NSG2: variants seen among roughly 807,000 people sequenced by gnomAD.
NSG2 encodes neuronal vesicle trafficking associated 2, also known as neuronal vesicle trafficking-associated protein 2.
Under a neutral mutation model 16.9 loss-of-function variants are expected in NSG2, and 4 were observed. The ratio of observed to expected loss-of-function variants is 0.24; its 90% CI spans 0.12 to 0.54. NSG2 has a LOEUF of 0.54. Ranked by LOEUF, NSG2 falls within the 20% of genes least tolerant of loss-of-function variation. The probability of loss-of-function intolerance (pLI) is 0.95; values close to 1 mark genes in which losing one functional copy is unlikely to be tolerated. For missense variants in NSG2, 179 were observed against 221.1 expected (o/e 0.81, Z 1.21); for synonymous variants, 98 against 88.7 (o/e 1.11, Z -0.59).
At chr5:174,081,907 AAG>A (rs1298025775) in intron 3 of NSG2, among the ~76,000 whole-genome samples, 4 of 148,734 alleles carry the variant, frequency 2.7e-5, no homozygotes, top group Non-Finnish European at 4.5e-5. Flanking sequence ...AAAAAAAAAA[AAG>A]AGAGAGAATG....
intron 3 of NSG2, chr5:174,086,406 A>C (rs919609917): frequency 7.2e-5 from 11 of 152,360 alleles, no homozygotes; most frequent in Non-Finnish European, 1.3e-4. Context: ...ACCTTTCTTG[A>C]AAAATCAGAT....
At chr5:174,091,646 TGTGTG>T (rs1419893501) in intron 3 of NSG2, among the ~76,000 whole-genome samples, 4 of 9,032 alleles carry the variant, frequency 4.4e-4, no homozygotes, top group South Asian at 4.1e-3. Context: ...CTAGGACTGG[TGTGTG>T]TGTGTGTGTG....
At chr5:174,096,738 A>G (rs554687185) in intron 3 of NSG2, among the ~76,000 whole-genome samples, 1 of 152,038 alleles carries the variant, frequency 6.6e-6, no homozygotes, top group Non-Finnish European at 1.5e-5. Flanking sequence ...GGGGAGATAA[A>G]TAAGCTGTGT....
At chr5:174,073,448 G>A (rs1303182804) in intron 3 of NSG2, among the ~76,000 whole-genome samples, 2 of 152,242 alleles carry the variant, frequency 1.3e-5, no homozygotes, top group Non-Finnish European at 2.9e-5. Context: ...GGCATGGAAA[G>A]AATTTGCACA....
intron 3 of NSG2, among the ~76,000 whole-genome samples, chr5:174,097,430 G>A (rs147698533): frequency 3.3e-5 from 5 of 151,344 alleles, no homozygotes; most frequent in African/African-American, 9.7e-5. Context: ...CCAGGTTGCC[G>A]TCTGTCTGCT....
At chr5:174,087,934 G>A (rs1202772899) in intron 3 of NSG2, among the ~76,000 whole-genome samples, 1 of 152,016 alleles carries the variant, frequency 6.6e-6, no homozygotes, top group East Asian at 1.9e-4. Context: ...CCTTCTCTAG[G>A]GATTGACCCT....
chr5:174,104,827 C>T (rs1760952257), intron 4 of NSG2, among the ~76,000 whole-genome samples: 1 of 152,198 alleles, frequency 6.6e-6, no homozygotes, highest in Non-Finnish European at 1.5e-5. Flanking sequence ...TGCATGACCT[C>T]TGGGAGTTTT....
rs931593527 is a variant in NSG2 at position 174,080,521 on chromosome 5, T to C, written c.213+16206T>C. 5.3e-4 allele frequency among the ~76,000 whole-genome samples: 46 copies of C among 86,904 alleles called. No homozygotes were observed. The South Asian group carries it at 6.8e-3, about 13-fold the overall frequency. 57.0% of individuals were successfully genotyped at this position (86,904 alleles called of 152,430 possible). A position where few individuals can be genotyped will look rare whatever the true frequency, so the allele number is the denominator to read the frequency against. On this transcript the variant is annotated intron_variant, in intron 3 of 4. Coordinates refer to ENST00000303177, the MANE Select transcript of NSG2 (RefSeq NM_015980.5). ...CCTCTTTCTTTCTTTCCCTCTTTCT[T>C]TCTTTCTCTCTCTCTCTCTCTCTCT...
intron 4 of NSG2, among the ~76,000 whole-genome samples, chr5:174,106,429 AC>A (rs1403100201): frequency 6.6e-6 from 1 of 152,080 alleles, no homozygotes. Context: ...TATTCTAGGG[AC>A]ACATGGAGTT....
At chr5:174,065,038 G>A (rs1403167204) in intron 3 of NSG2, among the ~76,000 whole-genome samples, 1 of 152,168 alleles carries the variant, frequency 6.6e-6, no homozygotes, top group Non-Finnish European at 1.5e-5. Context: ...TAGAAATAAG[G>A]ACAGTGAGGG....
chr5:174,055,781 C>T (rs1009496653), intron 2 of NSG2, among the ~76,000 whole-genome samples: 3 of 152,158 alleles, frequency 2.0e-5, no homozygotes, highest in African/African-American at 7.2e-5. Context: ...ATACTAGAGA[C>T]CTGCTTCCGA....
chr5:174,059,827 A>G (rs1760022322), intron 2 of NSG2, among the ~76,000 whole-genome samples: 1 of 152,200 alleles, frequency 6.6e-6, no homozygotes, highest in Non-Finnish European at 1.5e-5. Context: ...TCAGCATACC[A>G]TCCAGAGGAA....
At chr5:174,065,636 A>C (rs1489680993) in intron 3 of NSG2, among the ~76,000 whole-genome samples, 1 of 152,172 alleles carries the variant, frequency 6.6e-6, no homozygotes, top group Non-Finnish European at 1.5e-5. Flanking sequence ...AAAAACACAC[A>C]AAAAACGGTG....
chr5:174,046,636 T>C (rs1759804132), intron 1 of NSG2, 98 bp from the exon 2 acceptor site: 1 of 1,017,868 alleles, frequency 9.8e-7, no homozygotes, highest in East Asian at 2.5e-5. Context: ...GAAAGCCACT[T>C]GAGTGGAGCT....
rs1437501535 is a variant in NSG2 at position 174,107,869 on chromosome 5, C to T, written c.*364C>T. On this transcript the variant is annotated 3_prime_UTR_variant, in exon 5 of 5. Coordinates refer to ENST00000303177, the MANE Select transcript of NSG2 (RefSeq NM_015980.5). This position sits in a 1 kb window ranked among gnomAD's most constrained non-coding sequence, Gnocchi z 4.5. ...ATGAACAAAAAGCATTAAACTGGCT[C>T]CATCAGAAGACGTTGAAGGGCAGTG... 1.5e-5 allele frequency: 6 copies of T among 410,968 alleles called. No homozygotes were observed. In the Admixed American group the frequency reaches 1.7e-4, roughly 12 times the overall value. 25.5% of individuals were successfully genotyped at this position (410,968 alleles called of 1,614,324 possible).
chr5:174,046,712 A>G, intron 1 of NSG2, 22 bp from the exon 2 acceptor site: 2 of 1,612,498 alleles, frequency 1.2e-6, no homozygotes, highest in Non-Finnish European at 1.7e-6. Context: ...TGCTGTAACC[A>G]GAATCCCACT....
chr5:174,103,884 G>C (rs960983175), intron 3 of NSG2, among the ~76,000 whole-genome samples: 1 of 152,204 alleles, frequency 6.6e-6, no homozygotes, highest in Non-Finnish European at 1.5e-5. Flanking sequence ...AGAAGCACTT[G>C]AACCTGGGAG....
At chr5:174,073,980 C>T (rs1311297505) in intron 3 of NSG2, among the ~76,000 whole-genome samples, 1 of 152,122 alleles carries the variant, frequency 6.6e-6, no homozygotes, top group African/African-American at 2.4e-5. Context: ...GCTGATTCTT[C>T]CAAGTTTGCA....
chr5:174,107,471 A>C lies in NSG2; in HGVS notation c.482A>C (p.His161Pro), dbSNP rs769015553. The C allele has an allele frequency of 6.2e-7, 1 of 1,612,176 alleles. No individual in the cohort carries two copies. The highest frequency in any genetic ancestry group is 1.1e-5 in the South Asian group (1 of 90,922). ...GPWLSAAAVI[H>P]EPKPPKTQGH ...TGGCTGTCAGCAGCCGCTGTCATCCATGAGCCCAAGCCGCCCAAGACCCAG... is the reference window on the plus strand; with the variant it reads ...TGGCTGTCAGCAGCCGCTGTCATCCCTGAGCCCAAGCCGCCCAAGACCCAG... Residue 161 changes from histidine to proline, a missense_variant, in exon 5 of 5, where the codon CAT (histidine) becomes CCT (proline). Coordinates refer to ENST00000303177, the MANE Select transcript of NSG2 (RefSeq NM_015980.5). The surrounding 1 kb of genome is among the most constrained non-coding windows in gnomAD (Gnocchi z 4.5).
Sources: allele counts gnomAD v4.1 joint callset (sites outside exome capture counted in the v4.1 genomes callset), GRCh38; gene constraint gnomAD v4.1.1; non-coding constraint Gnocchi (gnomAD v3.1); transcripts MANE v1.5; gene names NCBI Gene and HGNC (gene_info 2026-07-23, HGNC 2026-07-21).